Variants in SHISA9 observed in about 807,000 individuals in gnomAD.
SHISA9 encodes shisa family member 9.
Under a neutral mutation model 38.0 loss-of-function variants are expected in SHISA9, and 13 were observed. The ratio of observed to expected loss-of-function variants is 0.34; its 90% CI spans 0.22 to 0.54. The LOEUF is 0.54. Among genes scored for constraint, SHISA9 ranks in the 20% least tolerant of loss-of-function variants. SHISA9 has a pLI of 0.91. For synonymous variants in SHISA9, 275 were observed against 242.0 expected, an observed-to-expected ratio of 1.14 and a Z score of -1.27; for missense variants, 538 against 575.8, an observed-to-expected ratio of 0.93 and a Z score of 0.67.
intron 2 of SHISA9, among the ~76,000 whole-genome samples, chr16:12,964,120 T>C (rs774098444): frequency 3.9e-5 from 6 of 152,198 alleles, no homozygotes; most frequent in African/African-American, 7.2e-5. Context: ...GTTCTGAATA[T>C]GTTAAGAATC....
rs184894906 is a variant in SHISA9 at position 13,172,300 on chromosome 16, G to C, written c.692-31094G>C. Among the ~76,000 whole-genome samples the C allele has an allele frequency of 3.9e-5, 6 of 152,308 alleles. No homozygotes were observed. In the East Asian group the frequency reaches 1.2e-3, roughly 29 times the overall value. On this transcript the variant is annotated intron_variant, in intron 2 of 4. Coordinates refer to ENST00000558583, the MANE Select transcript of SHISA9 (RefSeq NM_001145204.3). ...ACTTAAGATGCCTAGGGGATTGGAA[G>C]GCTTCCTAGTTATAACACCTGCACA...
At chr16:13,114,946 C>T (rs896520086) in intron 2 of SHISA9, among the ~76,000 whole-genome samples, 1 of 152,162 alleles carries the variant, frequency 6.6e-6, no homozygotes, top group African/African-American at 2.4e-5. Context: ...ATCCTTCTCT[C>T]TCTCCCTGTA....
the SHISA9 span, among the ~76,000 whole-genome samples, chr16:13,356,379 G>A: frequency 6.6e-6 from 1 of 152,120 alleles, no homozygotes; most frequent in Non-Finnish European, 1.5e-5. Context: ...TTTTATATTT[G>A]ATGAAAAAGA....
At chr16:13,485,131 C>T in the SHISA9 span, among the ~76,000 whole-genome samples, 5 of 152,000 alleles carry the variant, frequency 3.3e-5, no homozygotes, top group South Asian at 4.2e-4. Flanking sequence ...CCTATCAACC[C>T]GTCATCTAGG....
chr16:13,522,512 C>A, the SHISA9 span, among the ~76,000 whole-genome samples: 5 of 152,088 alleles, frequency 3.3e-5, no homozygotes, highest in Non-Finnish European at 7.3e-5. Context: ...CCCCGATTTC[C>A]TTTTCCCTAG....
chr16:13,464,977 G>A, the SHISA9 span, among the ~76,000 whole-genome samples: 16 of 152,186 alleles, frequency 1.1e-4, no homozygotes, highest in African/African-American at 3.9e-4. Flanking sequence ...GATTTTCTTA[G>A]GAAGGATAAT....
intron 2 of SHISA9, among the ~76,000 whole-genome samples, chr16:13,112,647 A>G (rs1184219052): frequency 6.6e-6 from 1 of 151,978 alleles, no homozygotes; most frequent in Non-Finnish European, 1.5e-5. Flanking sequence ...TAACAAAACA[A>G]ATTAAAGACC....
At position 13,201,006 on chromosome 16, in the gene SHISA9, C is replaced by T. The variant is rs1168824467; in HGVS notation, c.692-2388C>T. ...ATGCATGTGACTTTGAGGGAGTGTT[C>T]TTCAGGTAACAAATAAACACACACC... On this transcript the variant is annotated intron_variant, in intron 2 of 4. Transcript: ENST00000558583. Among the ~76,000 whole-genome samples the T allele has an allele frequency of 2.2e-5, 3 of 134,828 alleles. 1 individual carries two copies. The highest frequency in any genetic ancestry group is 4.8e-5 in the Non-Finnish European group (3 of 61,994). 88.5% of individuals were successfully genotyped at this position (134,828 alleles called of 152,430 possible).
chr16:13,298,363 AATTATCAATATCAATATT>A, the SHISA9 span, among the ~76,000 whole-genome samples: 2 of 152,074 alleles, frequency 1.3e-5, no homozygotes, highest in African/African-American at 4.8e-5. Context: ...TAATTCTACT[AATTATCAATATCAATATT>A]ATTATCAATA....
the SHISA9 span, among the ~76,000 whole-genome samples, chr16:13,370,437 CA>C: frequency 6.6e-6 from 1 of 152,190 alleles, no homozygotes; most frequent in East Asian, 1.9e-4. Context: ...GGGATTTAAA[CA>C]CTAATTTTCT....
the SHISA9 span, among the ~76,000 whole-genome samples, chr16:13,294,184 G>C: frequency 6.6e-6 from 1 of 152,144 alleles, no homozygotes; most frequent in Non-Finnish European, 1.5e-5. Context: ...TTATCACCTA[G>C]GGTTTGCTGT....
intron 2 of SHISA9, among the ~76,000 whole-genome samples, chr16:13,124,656 C>A (rs1425353557): frequency 6.6e-6 from 1 of 152,054 alleles, no homozygotes; most frequent in Admixed American, 6.6e-5. Flanking sequence ...CCCAGAATAG[C>A]CAAAGCTATC....
the SHISA9 span, among the ~76,000 whole-genome samples, chr16:13,262,046 A>C: frequency 3.9e-5 from 6 of 152,354 alleles, no homozygotes; most frequent in South Asian, 1.2e-3. Context: ...GACATTAATT[A>C]AATCAGTCAG....
At chr16:12,946,005 G>A (rs2141767150) in intron 2 of SHISA9, among the ~76,000 whole-genome samples, 1 of 152,344 alleles carries the variant, frequency 6.6e-6, no homozygotes, top group South Asian at 2.1e-4. Context: ...CTACTTGAGA[G>A]GCTAAAGCAT....
chr16:13,182,310 C>T (rs1196586111), intron 2 of SHISA9, among the ~76,000 whole-genome samples: 1 of 152,212 alleles, frequency 6.6e-6, no homozygotes, highest in Non-Finnish European at 1.5e-5. Flanking sequence ...TAGCCAAAAA[C>T]TCCAAGCCTG....
At chr16:13,544,187 A>G in the SHISA9 span, among the ~76,000 whole-genome samples, 1 of 151,106 alleles carries the variant, frequency 6.6e-6, no homozygotes, top group Non-Finnish European at 1.5e-5. Flanking sequence ...AACTCAATCA[A>G]TAGCATGAGG....
the SHISA9 span, among the ~76,000 whole-genome samples, chr16:13,375,565 G>T: frequency 1.3e-5 from 2 of 151,984 alleles, no homozygotes; most frequent in African/African-American, 2.4e-5. Context: ...TGCTGTTTTG[G>T]TTACTGTAGC....
the SHISA9 span, among the ~76,000 whole-genome samples, chr16:13,406,020 C>T: frequency 6.6e-6 from 1 of 151,000 alleles, no homozygotes; most frequent in East Asian, 2.0e-4. Context: ...AAGAAATTTT[C>T]TACACAGCAG....
At chr16:13,386,022 C>G in the SHISA9 span, among the ~76,000 whole-genome samples, 1 of 152,102 alleles carries the variant, frequency 6.6e-6, no homozygotes, top group Non-Finnish European at 1.5e-5. Flanking sequence ...AGAAAGGACA[C>G]CATAAGGAAT....
Sources: gnomAD v4.1 joint callset for allele counts (sites outside exome capture counted in the v4.1 genomes callset) on GRCh38, gnomAD v4.1.1 for gene constraint, MANE v1.5 for transcripts, NCBI Gene and HGNC (gene_info 2026-07-23, HGNC 2026-07-21) for gene names.